The following LRBA variants were observed in gnomAD, a reference collection of about 807,000 sequenced individuals.
LRBA encodes the protein LPS responsive beige-like anchor protein.
A neutral mutation model predicts 330.0 loss-of-function variants in LRBA; 176 were observed. The ratio of observed to expected loss-of-function variants is 0.53; its 90% CI spans 0.47 to 0.60. LRBA has a LOEUF of 0.60. Ranked by LOEUF, LRBA falls within the 20% of genes least tolerant of loss-of-function variation. The pLI is 0.00. For missense variants in LRBA, 3,259 were observed against 3,444.8 expected (o/e 0.95, Z 1.35); for synonymous variants, 1,230 against 1,193.0 (o/e 1.03, Z -0.64).
intron 2 of LRBA, among the ~76,000 whole-genome samples, chr4:150,980,494 GAAAT>G (rs1163041600): frequency 2.0e-5 from 3 of 152,270 alleles, no homozygotes; most frequent in African/African-American, 4.8e-5. Context: ...ACAAGAGAAA[GAAAT>G]AAAGAGTGGT....
intron 36 of LRBA, among the ~76,000 whole-genome samples, chr4:150,685,973 G>C (rs1783590998): frequency 6.6e-6 from 1 of 152,126 alleles, no homozygotes; most frequent in African/African-American, 2.4e-5. Flanking sequence ...TGCAGAATGA[G>C]TATAGAAAAA....
At chr4:150,995,570 C>T (rs192437917) in intron 2 of LRBA, among the ~76,000 whole-genome samples, 30 of 151,808 alleles carry the variant, frequency 2.0e-4, no homozygotes, top group African/African-American at 7.0e-4. Context: ...ATTACAATTG[C>T]TTATTGATAG....
chr4:150,596,185 C>T (rs1179507321), intron 38 of LRBA, among the ~76,000 whole-genome samples: 1 of 151,674 alleles, frequency 6.6e-6, no homozygotes, highest in African/African-American at 2.4e-5. Context: ...TTGGGAAGGG[C>T]AATTAAATTG....
chr4:150,770,569 TTA>T (rs560905379), intron 34 of LRBA, among the ~76,000 whole-genome samples: 39 of 91,412 alleles, frequency 4.3e-4, no homozygotes, highest in East Asian at 1.3e-3. Flanking sequence ...AACAAAGATT[TTA>T]TATATATATA....
chr4:150,644,366 G>A (rs1016800226), intron 37 of LRBA, among the ~76,000 whole-genome samples: 1 of 151,710 alleles, frequency 6.6e-6, no homozygotes, highest in Non-Finnish European at 1.5e-5. Flanking sequence ...ATGAAAATAA[G>A]GCTGCAATTA....
At chr4:150,822,700 G>A (rs906137602) in intron 30 of LRBA, among the ~76,000 whole-genome samples, 1 of 152,154 alleles carries the variant, frequency 6.6e-6, no homozygotes, top group African/African-American at 2.4e-5. Flanking sequence ...GCTGCAGTGA[G>A]CTATGACTGC....
intron 47 of LRBA, among the ~76,000 whole-genome samples, chr4:150,361,180 A>AT (rs1359185799): frequency 6.6e-6 from 1 of 152,140 alleles, no homozygotes; most frequent in Admixed American, 6.5e-5. Flanking sequence ...ACTCCTAGAG[A>AT]TTTTTTAACA....
intron 36 of LRBA, among the ~76,000 whole-genome samples, chr4:150,728,022 G>A (rs1729933504): frequency 1.3e-5 from 2 of 152,052 alleles, no homozygotes; most frequent in Non-Finnish European, 2.9e-5. Flanking sequence ...TATGAAAAGG[G>A]AGACATTACA....
intron 40 of LRBA, among the ~76,000 whole-genome samples, chr4:150,500,681 G>T (rs1703803654): frequency 6.6e-6 from 1 of 152,194 alleles, no homozygotes; most frequent in Non-Finnish European, 1.5e-5. Flanking sequence ...CTGTGTAGCA[G>T]ATACAATATG....
chr4:150,676,271 A>G (rs1782550086), intron 37 of LRBA, among the ~76,000 whole-genome samples: 1 of 152,226 alleles, frequency 6.6e-6, no homozygotes, highest in African/African-American at 2.4e-5. Flanking sequence ...ATAACCTCCA[A>G]ATATATCCTT....
chr4:150,270,222 C>A (rs548806281), intron 56 of LRBA, among the ~76,000 whole-genome samples: 1 of 152,152 alleles, frequency 6.6e-6, no homozygotes, highest in Non-Finnish European at 1.5e-5. Context: ...GGCATACACC[C>A]AAAAGGACTG....
At chr4:150,799,114 A>G (rs1741216343) in intron 33 of LRBA, among the ~76,000 whole-genome samples, 1 of 152,116 alleles carries the variant, frequency 6.6e-6, no homozygotes, top group Non-Finnish European at 1.5e-5. Context: ...ATGATAGCGC[A>G]TGTTGGCATT....
At chr4:150,840,074 A>T (rs1748831069) in intron 28 of LRBA, among the ~76,000 whole-genome samples, 1 of 152,052 alleles carries the variant, frequency 6.6e-6, no homozygotes, top group Non-Finnish European at 1.5e-5. Flanking sequence ...CAGCTTCCTC[A>T]CTTCTCTCGG....
chr4:150,730,629 G>A (rs1730314927), intron 36 of LRBA, among the ~76,000 whole-genome samples: 1 of 147,186 alleles, frequency 6.8e-6, no homozygotes, highest in Non-Finnish European at 1.5e-5. Context: ...GTTGCAGTGA[G>A]CCAAGATCGC....
intron 2 of LRBA, among the ~76,000 whole-genome samples, chr4:150,971,026 C>T (rs1561075029): frequency 6.6e-6 from 1 of 152,050 alleles, no homozygotes; most frequent in Non-Finnish European, 1.5e-5. Context: ...CAAAAGTCTA[C>T]CTGATTCCAT....
At chr4:150,701,362 C>T (rs1347730246) in intron 36 of LRBA, among the ~76,000 whole-genome samples, 7 of 152,084 alleles carry the variant, frequency 4.6e-5, no homozygotes, top group African/African-American at 1.7e-4. Context: ...ATAGTAAATA[C>T]ATAAACCAGT....
intron 16 of LRBA, among the ~76,000 whole-genome samples, chr4:150,895,753 T>C (rs950520925): frequency 9.2e-5 from 14 of 152,194 alleles, no homozygotes; most frequent in Admixed American, 6.5e-4. Context: ...TACGTGTGCA[T>C]GTGTCTTTAT....
Position 150,406,906 on chromosome 4 carries a change from G to GAGT in LRBA, c.7194+8529_7194+8531dup, listed in dbSNP as rs1320112107. Among the ~76,000 whole-genome samples the GAGT allele has an allele frequency of 2.6e-5, 4 of 151,966 alleles. No homozygotes were observed. In the East Asian group the frequency reaches 7.7e-4, roughly 29 times the overall value. ...AGCGATCCTCCTGCCTCAGCCTCCC[G>GAGT]AGTAGCTGGAACTACAGGCACACAC... On this transcript the variant is annotated intron_variant, in intron 47 of 56. Transcript: ENST00000651943.
intron 40 of LRBA, among the ~76,000 whole-genome samples, chr4:150,561,649 G>T (rs1005620976): frequency 6.6e-6 from 1 of 152,050 alleles, no homozygotes; most frequent in African/African-American, 2.4e-5. Context: ...GTAAGGAAAC[G>T]AATTCTCCCC....
Sources: gnomAD v4.1 joint callset for allele counts (sites outside exome capture counted in the v4.1 genomes callset) on GRCh38, gnomAD v4.1.1 for gene constraint, MANE v1.5 for transcripts, NCBI Gene and HGNC (gene_info 2026-07-23, HGNC 2026-07-21) for gene names.